The following CTNNA3 variants were observed in gnomAD, a reference collection of about 807,000 sequenced individuals.
CTNNA3 encodes catenin alpha-3.
A neutral mutation model predicts 95.7 loss-of-function variants in CTNNA3; 76 were observed. That is an observed-to-expected ratio of 0.79 (90% CI 0.66 to 0.96). The LOEUF is 0.96. Ranked by LOEUF, CTNNA3 falls within the 40% of genes least tolerant of loss-of-function variation. The pLI is 0.00. For missense variants in CTNNA3, 1,191 were observed against 1,089.8 expected (o/e 1.09, Z -1.31); for synonymous variants, 431 against 374.4 (o/e 1.15, Z -1.74).
chr10:66,572,338 G>A (rs1409541832), intron 10 of CTNNA3, among the ~76,000 whole-genome samples: 6 of 150,874 alleles, frequency 4.0e-5, no homozygotes, highest in African/African-American at 9.8e-5. Flanking sequence ...AGCCAAGATC[G>A]CACCACTGCA....
At position 67,728,046 on chromosome 10, in the gene CTNNA3, TTATATATAATTATATG is replaced by T. The variant is rs1841251946; in HGVS notation, c.-2+35372_-2+35387del. Among the ~76,000 whole-genome samples the T allele has an allele frequency of 2.1e-5, 3 of 141,420 alleles. No homozygotes were observed. The South Asian group carries it at 6.3e-4, about 30-fold the overall frequency. 92.8% of individuals were successfully genotyped at this position (141,420 alleles called of 152,430 possible). On this transcript the variant is annotated intron_variant, in intron 1 of 17. Transcript: ENST00000684154. ...TATTATATATGATATATAATTATAA[TTATATATAATTATATG>T]TATATTACATATTATATATTATATA...
chr10:67,005,886 ATGTTGGCTAGGC>A (rs757893993), intron 7 of CTNNA3, among the ~76,000 whole-genome samples: 22 of 151,776 alleles, frequency 1.4e-4, no homozygotes, highest in Non-Finnish European at 3.2e-4. Flanking sequence ...GGGTATCACC[ATGTTGGCTAGGC>A]TGGTCTCAAA....
intron 13 of CTNNA3, among the ~76,000 whole-genome samples, chr10:66,139,083 G>T (rs1435191948): frequency 1.3e-5 from 2 of 152,070 alleles, no homozygotes; most frequent in Admixed American, 1.3e-4. Flanking sequence ...CTCAATGAAG[G>T]GAATTCTAAA....
intron 9 of CTNNA3, among the ~76,000 whole-genome samples, chr10:66,637,368 C>T (rs1032855598): frequency 6.6e-6 from 1 of 152,220 alleles, no homozygotes; most frequent in Non-Finnish European, 1.5e-5. Context: ...TAGCTCCATG[C>T]ACATCAGCCA....
intron 5 of CTNNA3, among the ~76,000 whole-genome samples, chr10:67,395,498 T>G (rs373914678): frequency 6.6e-6 from 1 of 152,174 alleles, no homozygotes; most frequent in Non-Finnish European, 1.5e-5. Context: ...TCTCATAAAT[T>G]CCCTTCATAG....
In CTNNA3 at chr10:67,132,916, G is replaced by A. The variant is rs568936806; in HGVS notation, c.1047+47401C>T. On this transcript the variant is annotated intron_variant, in intron 7 of 17. Coordinates refer to ENST00000433211, the MANE Select transcript of CTNNA3 (RefSeq NM_013266.4). ...ACCATAGATACCAGAGACTGGGACG[G>A]GTGAGTGGGGGTGAGGGGGTATGAA... is the stretch of plus-strand genomic sequence containing the variant. Among the ~76,000 whole-genome samples, 3 of 151,976 alleles carry A rather than the reference G, an allele frequency of 2.0e-5. No homozygotes were observed. The South Asian group carries it at 6.2e-4, about 32-fold the overall frequency.
chr10:66,246,771 G>T (rs1472729851), intron 13 of CTNNA3, among the ~76,000 whole-genome samples: 2 of 151,808 alleles, frequency 1.3e-5, no homozygotes, highest in Non-Finnish European at 2.9e-5. Flanking sequence ...GTGAGTTTTG[G>T]GATGGGAGCA....
In CTNNA3 at chr10:66,520,693, T is replaced by G. The variant is rs573782659; in HGVS notation, c.1455A>C (p.Thr485=). 5.0e-6 allele frequency: 8 copies of G among 1,612,458 alleles called. No individual in the cohort carries two copies. In the African/African-American group the frequency reaches 9.4e-5, roughly 19 times the overall value. ...VKNTMEMYKR[T]WENHIHVLTE... Reference sequence around the variant, plus strand: ...TGAGGACATGTATATGATTCTCCCATGTACGCTTGTACATTTCCATGGTGT... The same window carrying G: ...TGAGGACATGTATATGATTCTCCCAGGTACGCTTGTACATTTCCATGGTGT... The change falls in exon 11 of 18, where the codon ACA becomes ACC. Residue 485 remains threonine, a synonymous_variant. Coordinates refer to ENST00000433211, the MANE Select transcript of CTNNA3 (RefSeq NM_013266.4).
chr10:65,988,362 A>G (rs1481282996), intron 16 of CTNNA3, among the ~76,000 whole-genome samples: 1 of 152,166 alleles, frequency 6.6e-6, no homozygotes, highest in African/African-American at 2.4e-5. Context: ...CAACCAAAAA[A>G]GAAAGAAAGA....
chr10:66,328,933 T>TATATATATATATATATATATACAC (rs59003281), intron 12 of CTNNA3, among the ~76,000 whole-genome samples: 81 of 115,364 alleles, frequency 7.0e-4, no homozygotes, highest in African/African-American at 1.6e-3. Context: ...TATATATATA[T>TATATATATATATATATATATACAC]ACACACACAC....
chr10:67,020,715 C>A (rs1342961008), intron 7 of CTNNA3, among the ~76,000 whole-genome samples: 2 of 151,980 alleles, frequency 1.3e-5, no homozygotes, highest in Admixed American at 6.6e-5. Flanking sequence ...AGCACTAAAA[C>A]CTGGGTTTTA....
chr10:66,089,144 C>T (rs180886799), intron 14 of CTNNA3, among the ~76,000 whole-genome samples: 12 of 151,930 alleles, frequency 7.9e-5, no homozygotes, highest in Admixed American at 5.9e-4. Flanking sequence ...TTGGAACATC[C>T]TTTACCATCC....
At chr10:67,021,828 A>G (rs1272324897) in intron 7 of CTNNA3, among the ~76,000 whole-genome samples, 1 of 152,208 alleles carries the variant, frequency 6.6e-6, no homozygotes, top group Non-Finnish European at 1.5e-5. Flanking sequence ...AGGAAGTACT[A>G]TAAAGGGAAA....
At chr10:66,788,029 T>C (rs530768981) in intron 7 of CTNNA3, among the ~76,000 whole-genome samples, 7 of 152,210 alleles carry the variant, frequency 4.6e-5, no homozygotes, top group East Asian at 1.9e-4. Flanking sequence ...TAAATATATA[T>C]GCTATTCTTC....
Position 66,976,581 on chromosome 10 carries a change from C to T in CTNNA3, c.1048-201057G>A, listed in dbSNP as rs536526618. The stretch of plus-strand genomic sequence containing the variant: ...TCTTCCTAAAAATCTACAGTGACTT[C>T]CCTAAAGAAAAATGGTCATATTCCC... On this transcript the variant is annotated intron_variant, in intron 7 of 17. Coordinates refer to ENST00000433211, the MANE Select transcript of CTNNA3 (RefSeq NM_013266.4). 1.7e-4 allele frequency among the ~76,000 whole-genome samples: 26 copies of T among 152,284 alleles called. 1 individual carries two copies. In the South Asian group the frequency reaches 5.2e-3, roughly 30 times the overall value.
At chr10:66,348,269 G>C (rs1033783041) in intron 12 of CTNNA3, among the ~76,000 whole-genome samples, 1 of 152,020 alleles carries the variant, frequency 6.6e-6, no homozygotes, top group Admixed American at 6.6e-5. Context: ...TCTTAGAATA[G>C]TGGCTAAAAG....
intron 7 of CTNNA3, among the ~76,000 whole-genome samples, chr10:66,899,333 C>T (rs570529112): frequency 2.0e-5 from 3 of 152,300 alleles, no homozygotes; most frequent in East Asian, 3.9e-4. Context: ...AGAATTACCA[C>T]ATGACCAAGC....
At chr10:66,856,912 G>A (rs35157213) in intron 7 of CTNNA3, among the ~76,000 whole-genome samples, 2 of 151,940 alleles carry the variant, frequency 1.3e-5, no homozygotes, top group Non-Finnish European at 2.9e-5. Flanking sequence ...AGTTTAATTA[G>A]GTCCCATTTG....
chr10:66,781,416 T>A (rs12766340), intron 7 of CTNNA3, among the ~76,000 whole-genome samples: 3,648 of 152,202 alleles, frequency 0.024, 193 homozygotes, highest in East Asian at 0.23. Flanking sequence ...TCTACATTTT[T>A]CAGGCATGAA....
Sources: gnomAD v4.1 joint callset for allele counts (sites outside exome capture counted in the v4.1 genomes callset) on GRCh38, gnomAD v4.1.1 for gene constraint, MANE v1.5 for transcripts, NCBI Gene and HGNC (gene_info 2026-07-23, HGNC 2026-07-21) for gene names.